Variants in NCOA1 observed in about 807,000 individuals in gnomAD.
NCOA1 encodes nuclear receptor coactivator 1.
Under a neutral mutation model 150.9 loss-of-function variants are expected in NCOA1, and 35 were observed. That is an observed-to-expected ratio of 0.23 (90% CI 0.18 to 0.31). The LOEUF (loss-of-function observed/expected upper bound fraction) is 0.31. Ranked by LOEUF, NCOA1 falls within the 10% of genes least tolerant of loss-of-function variation. The pLI is 1.00. For missense variants in NCOA1, 1,491 were observed against 1,749.3 expected, an observed-to-expected ratio of 0.85 and a Z score of 2.63; for synonymous variants, 590 against 630.0, an observed-to-expected ratio of 0.94 and a Z score of 0.95.
chr2:24,689,689 C>T (rs1160038190), intron 8 of NCOA1, among the ~76,000 whole-genome samples: 1 of 152,222 alleles, frequency 6.6e-6, no homozygotes, highest in Non-Finnish European at 1.5e-5. Context: ...CCACGCGTGG[C>T]ACAAATCCAT....
intron 14 of NCOA1, among the ~76,000 whole-genome samples, chr2:24,713,904 A>T (rs1673886839): frequency 6.6e-6 from 1 of 152,198 alleles, no homozygotes; most frequent in African/African-American, 2.4e-5. Context: ...TAGCAACAAA[A>T]ATCTGAATCA....
At chr2:24,751,322 C>T (rs540448484) in intron 19 of NCOA1, among the ~76,000 whole-genome samples, 14 of 151,236 alleles carry the variant, frequency 9.3e-5, no homozygotes, top group African/African-American at 3.4e-4. Flanking sequence ...GTGGCTCACA[C>T]CTGTAATCCC....
rs1034055100 is a variant in NCOA1, at chr2:24,707,337, G to A, written c.1867G>A (p.Asp623Asn). The change falls in exon 13 of 23, where the codon GAC (aspartate) becomes AAC (asparagine). Residue 623 changes from aspartate to asparagine, a missense_variant. Asp to Asn is a conservative substitution (Grantham distance 23, BLOSUM62 1). Coordinates refer to ENST00000348332, the MANE Select transcript of NCOA1 (RefSeq NM_003743.5). ...TAACAATGACAGACTTTCAGATGGA[G>A]ACAGTAAATACTCTCAAACCAGTCA... Reference protein sequence around the residue: ...LHNNDRLSDGDSKYSQTSHKL... With the variant: ...LHNNDRLSDGNSKYSQTSHKL... 6.2e-7 allele frequency: 1 copy of A among 1,614,224 alleles called. No homozygotes were observed. The highest frequency in any genetic ancestry group is 8.5e-7 in the Non-Finnish European group (1 of 1,180,042).
intron 2 of NCOA1, among the ~76,000 whole-genome samples, chr2:24,565,088 T>C (rs1308648296): frequency 6.6e-6 from 1 of 152,200 alleles, no homozygotes; most frequent in African/African-American, 2.4e-5. Context: ...AATGAATTAC[T>C]TGGGCCAGAA....
chr2:24,608,360 A>T (rs1668466189), intron 3 of NCOA1, among the ~76,000 whole-genome samples: 1 of 150,316 alleles, frequency 6.7e-6, no homozygotes, highest in Non-Finnish European at 1.5e-5. Context: ...TGCTCACTGC[A>T]ATCTCCGCCT....
intron 1 of NCOA1, among the ~76,000 whole-genome samples, chr2:24,538,844 A>G (rs1369977955): frequency 6.6e-6 from 1 of 152,180 alleles, no homozygotes; most frequent in Non-Finnish European, 1.5e-5. Context: ...ATTACAGTCT[A>G]GTAGGGGAAG....
At position 24,711,122 on chromosome 2, in the gene NCOA1, G is replaced by A. The variant is rs547989035; in HGVS notation, c.2599+11G>A. On this transcript the variant is annotated intron_variant, in intron 14 of 22. Transcript: ENST00000348332. The stretch of plus-strand genomic sequence containing the variant: ...CTTCCAGGCTAAATAGTATGTTCTG[G>A]GGACAACACCTCATTTTAAACGTTT... The A allele has an allele frequency of 2.5e-6, 4 of 1,603,654 alleles. No homozygotes were observed. The highest frequency in any genetic ancestry group is 1.7e-5 in the Admixed American group (1 of 57,982).
chr2:24,760,274 G>A (rs1160166784), intron 21 of NCOA1, among the ~76,000 whole-genome samples: 3 of 149,078 alleles, frequency 2.0e-5, no homozygotes, highest in East Asian at 2.0e-4. Flanking sequence ...CAAGTAGCTG[G>A]GACTACAGGC....
intron 6 of NCOA1, among the ~76,000 whole-genome samples, chr2:24,666,756 C>T (rs576521389): frequency 6.6e-6 from 1 of 152,190 alleles, no homozygotes; most frequent in East Asian, 1.9e-4. Context: ...CCTCAGCCTC[C>T]CAAGTAGCTG....
In NCOA1 at chr2:24,680,422, G is replaced by A. The variant is rs55965700; in HGVS notation, c.355-2529G>A. On this transcript the variant is annotated intron_variant, in intron 7 of 22. Transcript: ENST00000348332. Reference sequence around the variant, plus strand: ...CTTTAAAAAGGAAATCCTGTCATCTGCCACAATATGTATGAACCTAGAAGA... The same window carrying A: ...CTTTAAAAAGGAAATCCTGTCATCTACCACAATATGTATGAACCTAGAAGA... Among the ~76,000 whole-genome samples, 1,091 of 152,304 alleles carry A rather than the reference G, an allele frequency of 7.2e-3. 6 individuals carry two copies. The highest frequency in any genetic ancestry group is 0.012 in the Non-Finnish European group (828 of 68,022).
chr2:24,601,848 C>G (rs1195251808), intron 3 of NCOA1, among the ~76,000 whole-genome samples: 3 of 151,958 alleles, frequency 2.0e-5, no homozygotes, highest in African/African-American at 7.2e-5. Flanking sequence ...GTTGCCCAGG[C>G]TGGTCGTAAA....
intron 1 of NCOA1, among the ~76,000 whole-genome samples, chr2:24,507,199 C>T (rs907733680): frequency 3.3e-5 from 5 of 152,102 alleles, no homozygotes; most frequent in Non-Finnish European, 7.4e-5. Flanking sequence ...GGATGAGGGG[C>T]TGTGTTAGGA....
intron 19 of NCOA1, among the ~76,000 whole-genome samples, chr2:24,750,222 C>T (rs1468296148): frequency 1.3e-5 from 2 of 152,134 alleles, no homozygotes; most frequent in East Asian, 1.9e-4. Flanking sequence ...AGAATTTCAG[C>T]ATGCTTTTTG....
At position 24,502,172 on chromosome 2, in the gene NCOA1, T is replaced by A. The variant is rs911828618; in HGVS notation, c.-396+10570T>A. 7.9e-5 allele frequency among the ~76,000 whole-genome samples: 12 copies of A among 152,268 alleles called. No individual in the cohort carries two copies. In the East Asian group the frequency reaches 2.1e-3, roughly 27 times the overall value. ...ATGGGTGTAGAGACAGGAATATATA[T>A]AAAGAGCCCAGTTTCAATTCACTTC... On this transcript the variant is annotated intron_variant, in intron 1 of 22. Coordinates refer to ENST00000348332, the MANE Select transcript of NCOA1 (RefSeq NM_003743.5).
chr2:24,617,749 T>C (rs1166762185), intron 3 of NCOA1, among the ~76,000 whole-genome samples: 1 of 152,194 alleles, frequency 6.6e-6, no homozygotes, highest in East Asian at 1.9e-4. Flanking sequence ...ATTCAGAGAA[T>C]ATAAACAAAG....
rs771170705 is a variant in NCOA1, at chr2:24,703,474, A to G, written c.950-1612A>G. ...AACAAATAATCTAATTTCAAAACATAAAGTGTGGTAATTGTCTTGTATTAA... is the reference window on the plus strand; with the variant it reads ...AACAAATAATCTAATTTCAAAACATGAAGTGTGGTAATTGTCTTGTATTAA... On this transcript the variant is annotated intron_variant, in intron 11 of 22. Transcript: ENST00000348332. Among the ~76,000 whole-genome samples the G allele has an allele frequency of 1.9e-4, 29 of 152,214 alleles. 1 individual carries two copies. The highest frequency in any genetic ancestry group is 4.8e-5 in the African/African-American group (2 of 41,456).
At chr2:24,679,569 T>A (rs1022634826) in intron 7 of NCOA1, among the ~76,000 whole-genome samples, 1 of 152,170 alleles carries the variant, frequency 6.6e-6, no homozygotes, top group African/African-American at 2.4e-5. Context: ...AAAGAACATT[T>A]TTAAAGAAGT....
At chr2:24,517,247 T>C (rs1377514249) in intron 1 of NCOA1, among the ~76,000 whole-genome samples, 1 of 151,976 alleles carries the variant, frequency 6.6e-6, no homozygotes, top group Non-Finnish European at 1.5e-5. Flanking sequence ...TTTTCTGCTG[T>C]GAGTGTCTTC....
At position 24,607,193 on chromosome 2, in the gene NCOA1, T is replaced by TG. The variant is rs572191116; in HGVS notation, c.-175+22633_-175+22634insG. On this transcript the variant is annotated intron_variant, in intron 3 of 22. Coordinates refer to ENST00000348332, the MANE Select transcript of NCOA1 (RefSeq NM_003743.5). ...GTGAACAGTGAGGGGTACTGTGTTT[T>TG]TTTTTTTTTTGAGTCTATTTGATAT... Among the ~76,000 whole-genome samples the TG allele has an allele frequency of 6.2e-3, 943 of 151,976 alleles. 15 individuals are homozygous for TG. Among genetic ancestry groups the TG allele is most frequent in the African/African-American group, 0.021 (860 of 41,470 alleles).
Sources: allele counts gnomAD v4.1 joint callset (sites outside exome capture counted in the v4.1 genomes callset), GRCh38; gene constraint gnomAD v4.1.1; transcripts MANE v1.5; gene names NCBI Gene and HGNC (gene_info 2026-07-23, HGNC 2026-07-21).